The following TENM1 variants were observed in gnomAD, a reference collection of about 807,000 sequenced individuals.
The protein encoded by TENM1 is teneurin transmembrane protein 1.
TENM1 carries 35 observed loss-of-function variants against 174.8 expected under a neutral mutation model. The observed-to-expected ratio is 0.20, with a 90% CI of 0.15 to 0.27. The LOEUF (loss-of-function observed/expected upper bound fraction) is 0.27. Ranked by LOEUF, TENM1 falls within the 10% of genes least tolerant of loss-of-function variation. The pLI is 1.00. For missense variants in TENM1, 1,633 were observed against 2,130.1 expected (o/e 0.77, Z 4.59); for synonymous variants, 781 against 798.7 (o/e 0.98, Z 0.37).
chrX:124,951,445 C>A (rs1472062204), intron 1 of TENM1, among the ~76,000 whole-genome samples: 1 of 109,288 alleles, frequency 9.2e-6, no homozygotes, highest in Non-Finnish European at 1.9e-5. Context: ...TTCTACAAAC[C>A]AAGGAGTGGT....
the TENM1 span, among the ~76,000 whole-genome samples, chrX:125,109,006 A>C: frequency 9.1e-6 from 1 of 110,311 alleles, no homozygotes; most frequent in Non-Finnish European, 1.9e-5. Context: ...ACCTCTATTC[A>C]TTTGCATCTT....
At chrX:125,186,601 ACTCTCT>A in the TENM1 span, among the ~76,000 whole-genome samples, 385 of 100,076 alleles carry the variant, frequency 3.8e-3, 3 homozygotes, top group Non-Finnish European at 4.8e-3. Context: ...CCTGGCACAC[ACTCTCT>A]CTCTCTCTCT....
At chrX:124,767,455 A>G (rs1374692782) in intron 3 of TENM1, among the ~76,000 whole-genome samples, 1 of 111,555 alleles carries the variant, frequency 9.0e-6, no homozygotes, top group Non-Finnish European at 1.9e-5. Flanking sequence ...ATGTGAGCAA[A>G]TAGTATTAAT....
intron 3 of TENM1, among the ~76,000 whole-genome samples, chrX:124,748,824 A>T (rs910184771): frequency 8.9e-6 from 1 of 112,198 alleles, no homozygotes; most frequent in Non-Finnish European, 1.9e-5. Context: ...TTGTTTCTTC[A>T]TCTGTAAAAT....
At chrX:124,970,361 A>C in the TENM1 span, among the ~76,000 whole-genome samples, 1 of 112,013 alleles carries the variant, frequency 8.9e-6, no homozygotes, top group African/African-American at 3.2e-5. Context: ...TTCATAGCAC[A>C]ACAGATAGAG....
the TENM1 span, among the ~76,000 whole-genome samples, chrX:125,010,234 T>G: frequency 9.1e-6 from 1 of 109,687 alleles, no homozygotes; most frequent in Non-Finnish European, 1.9e-5. Flanking sequence ...ACACCAACAA[T>G]AGACAAGCAG....
intron 5 of TENM1, among the ~76,000 whole-genome samples, chrX:124,676,311 T>C (rs1343910742): frequency 3.9e-5 from 2 of 51,039 alleles, no homozygotes; most frequent in South Asian, 1.3e-3. Context: ...TATATATATA[T>C]ATACTCAATG....
intron 27 of TENM1, among the ~76,000 whole-genome samples, chrX:124,400,857 G>T (rs2060391204): frequency 8.9e-6 from 1 of 112,320 alleles, no homozygotes; most frequent in Admixed American, 9.4e-5. Context: ...TATTTATGGG[G>T]ACAGATTGAT....
chrX:124,495,838 A>G (rs1387678107), intron 20 of TENM1, among the ~76,000 whole-genome samples: 2 of 103,906 alleles, frequency 1.9e-5, no homozygotes, highest in Non-Finnish European at 3.9e-5. Context: ...CAAGCTACCA[A>G]TGCCTTTCTT....
At chrX:124,651,258 A>C (rs145273709) in intron 8 of TENM1, among the ~76,000 whole-genome samples, 1,187 of 111,752 alleles carry the variant, frequency 0.011, 13 homozygotes, top group African/African-American at 0.036. Context: ...ATGACAAAAG[A>C]GTGAGACGTC....
chrX:125,059,073 C>A, the TENM1 span, among the ~76,000 whole-genome samples: 1 of 109,719 alleles, frequency 9.1e-6, no homozygotes. Context: ...CCCCTCACAA[C>A]CAGTAGCCTA....
At chrX:125,110,068 A>G in the TENM1 span, among the ~76,000 whole-genome samples, 1 of 111,422 alleles carries the variant, frequency 9.0e-6, no homozygotes, top group East Asian at 2.8e-4. Context: ...GAAAAGAACT[A>G]ATTTTCATGG....
At chrX:125,146,910 A>G in the TENM1 span, among the ~76,000 whole-genome samples, 1 of 110,979 alleles carries the variant, frequency 9.0e-6, no homozygotes, top group Non-Finnish European at 1.9e-5. Context: ...CTCAGGTCCA[A>G]TCTTTGGCTT....
chrX:124,795,249 T>C (rs940885451), intron 3 of TENM1, among the ~76,000 whole-genome samples: 2 of 111,750 alleles, frequency 1.8e-5, no homozygotes, highest in African/African-American at 6.5e-5. Context: ...AGCCTAGTAG[T>C]TTCAATACTT....
the TENM1 span, among the ~76,000 whole-genome samples, chrX:124,994,725 C>T: frequency 9.0e-6 from 1 of 110,724 alleles, no homozygotes; most frequent in African/African-American, 3.3e-5. Flanking sequence ...CACTTCTCTT[C>T]ACTGCCACTA....
chrX:124,675,378 A>G (rs181715975), intron 5 of TENM1, among the ~76,000 whole-genome samples: 16 of 110,985 alleles, frequency 1.4e-4, no homozygotes, highest in African/African-American at 4.9e-4. Flanking sequence ...TAGATGCAGT[A>G]TAAAGACAGC....
At chrX:125,103,912 C>T in the TENM1 span, among the ~76,000 whole-genome samples, 6 of 112,004 alleles carry the variant, frequency 5.4e-5, no homozygotes, top group Non-Finnish European at 1.1e-4. Flanking sequence ...ATCACTTGAA[C>T]CCGGAAGGCG....
chrX:125,160,097 G>C, the TENM1 span, among the ~76,000 whole-genome samples: 5 of 108,847 alleles, frequency 4.6e-5, no homozygotes, highest in Admixed American at 9.9e-5. Flanking sequence ...CTACTCGGGA[G>C]GCTGAGGCAG....
At chrX:125,062,260 AATC>A in the TENM1 span, among the ~76,000 whole-genome samples, 1 of 112,204 alleles carries the variant, frequency 8.9e-6, no homozygotes, top group Non-Finnish European at 1.9e-5. Context: ...CCATCTCCAT[AATC>A]ATCATCATCA....
Sources: allele counts gnomAD v4.1 joint callset (sites outside exome capture counted in the v4.1 genomes callset), GRCh38; gene constraint gnomAD v4.1.1; transcripts MANE v1.5; gene names NCBI Gene and HGNC (gene_info 2026-07-23, HGNC 2026-07-21).